DNAJB12: variants seen among roughly 807,000 people sequenced by gnomAD.
The protein encoded by DNAJB12 is DnaJ heat shock protein family (Hsp40) member B12.
DNAJB12 carries 14 observed loss-of-function variants against 40.6 expected under a neutral mutation model. That is an observed-to-expected ratio of 0.34 (90% CI 0.23 to 0.54). The LOEUF (loss-of-function observed/expected upper bound fraction) is 0.54. DNAJB12 is among the 20% of genes least tolerant of loss of function. DNAJB12 has a pLI of 0.92. For missense variants in DNAJB12, 444 were observed against 501.7 expected (o/e 0.89, Z 1.10); for synonymous variants, 181 against 199.5 (o/e 0.91, Z 0.78).
chr10:72,341,023 T>G lies in DNAJB12; in HGVS notation c.605A>C (p.Asp202Ala). The G allele has an allele frequency of 6.2e-7, 1 of 1,613,790 alleles. No individual in the cohort carries two copies. ...GCCGCCAAAGAACATGTTGAAGAGGTCTTCAGGGGAGATGTCGGCCTCAAA... is the reference window on the plus strand; with the variant it reads ...GCCGCCAAAGAACATGTTGAAGAGGGCTTCAGGGGAGATGTCGGCCTCAAA... The part of the protein sequence containing the change: ...RGFEADISPE[D>A]LFNMFFGGGF... The change falls in exon 4 of 9, where the codon GAC becomes GCC. Residue 202 changes from aspartate to alanine, a missense_variant. Coordinates refer to ENST00000444643, the MANE Select transcript of DNAJB12 (RefSeq NM_017626.7).
chr10:72,352,844 C>CAAAGCACCCAAAGCAA (rs1433061137), intron 1 of DNAJB12, among the ~76,000 whole-genome samples: 1 of 152,088 alleles, frequency 6.6e-6, no homozygotes, highest in Non-Finnish European at 1.5e-5. Context: ...TGGGATGAGC[C>CAAAGCACCCAAAGCAA]TAAACCCAAA....
chr10:72,341,226 C>T, intron 3 of DNAJB12, 56 bp from the exon 4 acceptor site: 2 of 1,525,796 alleles, frequency 1.3e-6, no homozygotes, highest in Non-Finnish European at 1.8e-6. Context: ...GGGGGAGGCT[C>T]CCATGGCAGC....
chr10:72,338,400 G>T, intron 5 of DNAJB12, 89 bp from the exon 6 acceptor site: 2 of 1,088,668 alleles, frequency 1.8e-6, no homozygotes, highest in East Asian at 2.5e-5. Flanking sequence ...GAATAGTGGA[G>T]CCTGGGGAGA....
intron 7 of DNAJB12, among the ~76,000 whole-genome samples, chr10:72,336,160 C>T (rs1444455696): frequency 6.6e-6 from 1 of 152,174 alleles, no homozygotes; most frequent in Non-Finnish European, 1.5e-5. Flanking sequence ...CAAGGTGAGA[C>T]CCTGTCATCC....
intron 5 of DNAJB12, among the ~76,000 whole-genome samples, chr10:72,340,456 G>A (rs901304160): frequency 6.6e-6 from 1 of 152,252 alleles, no homozygotes; most frequent in Non-Finnish European, 1.5e-5. Flanking sequence ...CCATTGCTTA[G>A]AGGATGTCAC....
At chr10:72,347,903 ACT>A (rs1331336968) in intron 1 of DNAJB12, among the ~76,000 whole-genome samples, 1 of 149,914 alleles carries the variant, frequency 6.7e-6, no homozygotes, top group African/African-American at 2.5e-5. Flanking sequence ...ATAGAATGAG[ACT>A]CTGTCTCAGA....
chr10:72,333,598 T>G lies in DNAJB12; in HGVS notation c.*1050A>C, dbSNP rs1030750969. The G allele has an allele frequency of 1.3e-5, 2 of 152,600 alleles. No individual in the cohort carries two copies. Among genetic ancestry groups the G allele is most frequent in the African/African-American group, 4.8e-5 (2 of 41,398 alleles). 9.5% of individuals were successfully genotyped at this position (152,600 alleles called of 1,614,324 possible). A position where few individuals can be genotyped will look rare whatever the true frequency, so the allele number is the denominator to read the frequency against. ...TGGTGCATGACTTAGGAAAAACCAG[T>G]GGCAATGATGGAGCTGTGCCCTGTG... On this transcript the variant is annotated 3_prime_UTR_variant, in exon 9 of 9. Coordinates refer to ENST00000444643, the MANE Select transcript of DNAJB12 (RefSeq NM_017626.7).
At chr10:72,337,767 C>T (rs1233967421) in intron 6 of DNAJB12, among the ~76,000 whole-genome samples, 2 of 152,124 alleles carry the variant, frequency 1.3e-5, no homozygotes, top group African/African-American at 4.8e-5. Context: ...GGAAGCCCAA[C>T]CAGAGCCGAG....
At position 72,354,799 on chromosome 10, in the gene DNAJB12, C is replaced by T. The variant is rs761995615; in HGVS notation, c.99G>A (p.Lys33=). 8 of 1,613,858 alleles carry T rather than the reference C, an allele frequency of 5.0e-6. No individual in the cohort carries two copies. Among genetic ancestry groups the T allele is most frequent in the Non-Finnish European group, 5.9e-6 (7 of 1,179,876 alleles). The change falls in exon 1 of 9, where the codon AAG becomes AAA. Residue 33 remains lysine, a synonymous_variant. Transcript: ENST00000444643. ...QPDRALRFLE[K]AQRLYPTPRV... ...GCGGCGTCGGATACAGCCGCTGTGC[C>T]TTCTCCAGGAAGCGGAGCGCCCGGT...
intron 1 of DNAJB12, among the ~76,000 whole-genome samples, chr10:72,352,950 A>G (rs1241501518): frequency 6.6e-6 from 1 of 152,216 alleles, no homozygotes; most frequent in East Asian, 1.9e-4. Flanking sequence ...TTGAAGTAAG[A>G]TCTTTCCCTG....
At position 72,340,968 on chromosome 10, in the gene DNAJB12, G is replaced by A; in HGVS notation, c.643+17C>T. 3 of 1,612,172 alleles carry A rather than the reference G, an allele frequency of 1.9e-6. No homozygotes were observed. The highest frequency in any genetic ancestry group is 2.5e-6 in the Non-Finnish European group (3 of 1,179,034). Reference sequence around the variant, plus strand: ...CACCCCAGGGATACCTGGCTGTGGGGAGGGTGGGGAACTTACTAGAAGGGA... The same window carrying A: ...CACCCCAGGGATACCTGGCTGTGGGAAGGGTGGGGAACTTACTAGAAGGGA... On this transcript the variant is annotated intron_variant, in intron 4 of 8. Coordinates refer to ENST00000444643, the MANE Select transcript of DNAJB12 (RefSeq NM_017626.7).
At position 72,340,776 on chromosome 10, in the gene DNAJB12, C is replaced by T; in HGVS notation, c.723+13G>A. 1 of 1,613,360 alleles carries T rather than the reference C, an allele frequency of 6.2e-7. No individual in the cohort carries two copies. Among genetic ancestry groups the T allele is most frequent in the Non-Finnish European group, 8.5e-7 (1 of 1,179,802 alleles). Reference sequence around the variant, plus strand: ...GCCCTTCCCGCGCTGTCCCTGGCGCCCTCCTCACTCACATCACCCTGGTTG... The same window carrying T: ...GCCCTTCCCGCGCTGTCCCTGGCGCTCTCCTCACTCACATCACCCTGGTTG... On this transcript the variant is annotated intron_variant, in intron 5 of 8. Transcript: ENST00000444643.
In DNAJB12 at chr10:72,334,335, G is replaced by T. The variant is rs191074448; in HGVS notation, c.*313C>A. 17 of 518,152 alleles carry T rather than the reference G, an allele frequency of 3.3e-5. No individual in the cohort carries two copies. In the East Asian group the frequency reaches 5.3e-4, roughly 16 times the overall value. 32.1% of individuals were successfully genotyped at this position (518,152 alleles called of 1,614,324 possible). A position where few individuals can be genotyped will look rare whatever the true frequency, so the allele number is the denominator to read the frequency against. On this transcript the variant is annotated 3_prime_UTR_variant, in exon 9 of 9. Transcript: ENST00000444643. Reference sequence around the variant, plus strand: ...CCAGCCCTTCCCACTGATATCTGCTGCGAGTTTTACATTCTACTTTCGTTG... The same window carrying T: ...CCAGCCCTTCCCACTGATATCTGCTTCGAGTTTTACATTCTACTTTCGTTG...
rs1384887526 is a variant in DNAJB12, at chr10:72,334,416, A to G, written c.*232T>C. On this transcript the variant is annotated 3_prime_UTR_variant, in exon 9 of 9. Transcript: ENST00000444643. ...ATGCGGAGCCTCCGCCAGCCCTGCG[A>G]GGGAGGGAAGCAGCCCCATGGCAGG... 3 of 778,864 alleles carry G rather than the reference A, an allele frequency of 3.9e-6. No individual in the cohort carries two copies. The highest frequency in any genetic ancestry group is 1.8e-5 in the African/African-American group (1 of 56,022). The allele number at this position is 778,864 out of a possible 1,614,324, so 48.2% of individuals were successfully genotyped here.
intron 6 of DNAJB12, 100 bp from the exon 7 acceptor site, chr10:72,336,796 G>A (rs925009551): frequency 9.9e-7 from 1 of 1,007,590 alleles, no homozygotes; most frequent in African/African-American, 1.6e-5. Flanking sequence ...CAGACCAGAG[G>A]AGTAGTTGGT....
chr10:72,344,888 C>A, intron 2 of DNAJB12, 62 bp downstream of exon 2: 1 of 1,592,770 alleles, frequency 6.3e-7, no homozygotes, highest in Non-Finnish European at 8.6e-7. Flanking sequence ...GGAGGACATG[C>A]TCCAGGAAGC....
chr10:72,351,218 A>G (rs886367545), intron 1 of DNAJB12, among the ~76,000 whole-genome samples: 1 of 152,198 alleles, frequency 6.6e-6, no homozygotes, highest in African/African-American at 2.4e-5. Context: ...GCTACTGGAC[A>G]GAAACTCCCA....
chr10:72,354,395 T>C (rs547306253), intron 1 of DNAJB12: 2 of 222,048 alleles, frequency 9.0e-6, no homozygotes, highest in East Asian at 2.0e-4. Flanking sequence ...AACTGTAATA[T>C]TTCCCAGGCC....
chr10:72,345,597 G>A (rs763505088), intron 1 of DNAJB12, among the ~76,000 whole-genome samples: 192 of 142,518 alleles, frequency 1.3e-3, no homozygotes, highest in Non-Finnish European at 2.4e-3. Context: ...AAAAATCCGG[G>A]CACAGTGGCT....
Sources: allele counts gnomAD v4.1 joint callset (sites outside exome capture counted in the v4.1 genomes callset), GRCh38; gene constraint gnomAD v4.1.1; transcripts MANE v1.5; gene names NCBI Gene and HGNC (gene_info 2026-07-23, HGNC 2026-07-21).